SPACA6: variants seen among roughly 807,000 people sequenced by gnomAD.
SPACA6 encodes the protein sperm acrosome associated 6.
For synonymous variants in SPACA6, 6 were observed against 1.5 expected, an observed-to-expected ratio of 4.05 and a Z score of -2.21; for missense variants, 8 against 2.8, an observed-to-expected ratio of 2.88 and a Z score of -1.34.
Position 51,704,296 on chromosome 19 carries a change from A to G in SPACA6, c.757A>G (p.Thr253Ala), listed in dbSNP as rs2083496109. The change falls in exon 8 of 9, where the codon ACA (threonine) becomes GCA (alanine). Residue 253 changes from threonine to alanine, a missense_variant. Thr to Ala is a moderately conservative substitution (Grantham distance 58). Transcript: ENST00000637797. ...GACGGGCCCGCCCCCGCGGGCGGAGACAGAGTTGCAGGCCTCGTTCCGGGA... is the reference window on the plus strand; with the variant it reads ...GACGGGCCCGCCCCCGCGGGCGGAGGCAGAGTTGCAGGCCTCGTTCCGGGA... The part of the protein sequence containing the change: ...NVTGPPPRAE[T>A]ELQASFREVL... The G allele has an allele frequency of 2.5e-6, 1 of 400,594 alleles. No individual in the cohort carries two copies. The highest frequency in any genetic ancestry group is 4.4e-6 in the Non-Finnish European group (1 of 225,982). 24.8% of individuals were successfully genotyped at this position (400,594 alleles called of 1,614,324 possible). A position where few individuals can be genotyped will look rare whatever the true frequency, so the allele number is the denominator to read the frequency against.
At chr19:51,692,704 G>A (rs760036954), upstream of SPACA6, 2 of 533,580 alleles carry the variant, frequency 3.7e-6, no homozygotes, top group Admixed American at 1.9e-5. This position sits in a 1 kb window ranked among gnomAD's most constrained non-coding sequence, Gnocchi z 5.6. Context: ...TCGCGGCTGG[G>A]GCCTCCCCGG....
chr19:51,684,342 G>A (rs2083318880), upstream of SPACA6, among the ~76,000 whole-genome samples: 1 of 152,164 alleles, frequency 6.6e-6, no homozygotes, highest in African/African-American at 2.4e-5. Flanking sequence ...GCAGCTGAAG[G>A]TCCTTCACTC....
At chr19:51,693,011 C>CT (rs2083389085), upstream of SPACA6, 1 of 373,780 alleles carries the variant, frequency 2.7e-6, no homozygotes, top group African/African-American at 2.1e-5. Flanking sequence ...CCCCTGAAAT[C>CT]TGTTTTCCTT....
At chr19:51,697,643 T>A (rs531927401) in intron 2 of SPACA6, among the ~76,000 whole-genome samples, 2,619 of 152,200 alleles carry the variant, frequency 0.017, 36 homozygotes, top group Non-Finnish European at 0.029. Context: ...CAAGGATGAC[T>A]TTTGCGTCTC....
chr19:51,683,880 C>A, the SPACA6 span, among the ~76,000 whole-genome samples: 20 of 152,190 alleles, frequency 1.3e-4, no homozygotes, highest in African/African-American at 4.6e-4. Context: ...AGCCATCGGG[C>A]TTCAGAATCT....
At chr19:51,687,017 G>A (rs1298946046), upstream of SPACA6, 2 of 152,184 alleles carry the variant, frequency 1.3e-5, no homozygotes, top group African/African-American at 2.4e-5. Context: ...GCCAGGTGTG[G>A]TGGCTCAGCC....
chr19:51,684,514 C>A (rs1224231782), upstream of SPACA6, among the ~76,000 whole-genome samples: 1 of 152,146 alleles, frequency 6.6e-6, no homozygotes, highest in Non-Finnish European at 1.5e-5. Context: ...GACCCGACAA[C>A]AATGGGGACC....
rs1465547645 is a variant in SPACA6 at position 51,703,654 on chromosome 19, C to G, written c.573+317C>G. Among the ~76,000 whole-genome samples the G allele has an allele frequency of 6.6e-6, 1 of 152,076 alleles. No individual in the cohort carries two copies. Among genetic ancestry groups the G allele is most frequent in the Non-Finnish European group, 1.5e-5 (1 of 68,006 alleles). Reference sequence around the variant, plus strand: ...TCTGCCAAAAAATTTTAAAAACAGCCGGGGCGTGGTGGTGCACGCCTATAG... The same window carrying G: ...TCTGCCAAAAAATTTTAAAAACAGCGGGGGCGTGGTGGTGCACGCCTATAG... On this transcript the variant is annotated intron_variant, in intron 6 of 8. Transcript: ENST00000637797. The surrounding 1 kb of genome is among the most constrained non-coding windows in gnomAD (Gnocchi z 4.2).
At chr19:51,692,614 C>T (rs1276904480), upstream of SPACA6, 4 of 529,360 alleles carry the variant, frequency 7.6e-6, no homozygotes. This position sits in a 1 kb window ranked among gnomAD's most constrained non-coding sequence, Gnocchi z 5.6. Flanking sequence ...TGGGTCCTGG[C>T]ACCCACCCGT....
rs578167471 is a variant in SPACA6, at chr19:51,711,105, AAAG to A, written n.200-925_200-923del. On this transcript the variant is annotated intron_variant and non_coding_transcript_variant, in intron 2 of 2. Coordinates refer to the SPACA6 transcript ENST00000573896. ...AAAAAAGAAAAAAAGGAAGTCAAGTAAAGAAAGCGTTTCAAGGAAGAGTGATCA... is the reference window on the plus strand; with the variant it reads ...AAAAAAGAAAAAAAGGAAGTCAAGTAAAAGCGTTTCAAGGAAGAGTGATCA... Among the ~76,000 whole-genome samples, 78 of 152,230 alleles carry A rather than the reference AAAG, an allele frequency of 5.1e-4. 1 individual carries two copies. The highest frequency in any genetic ancestry group is 1.6e-3 in the African/African-American group (68 of 41,540).
At chr19:51,695,382 A>G (rs2083421938) in intron 2 of SPACA6, among the ~76,000 whole-genome samples, 1 of 152,176 alleles carries the variant, frequency 6.6e-6, no homozygotes, top group African/African-American at 2.4e-5. Context: ...GAGTTGCAGG[A>G]GTTACAGAGC....
At chr19:51,692,286 C>T (rs1172296581), upstream of SPACA6, among the ~76,000 whole-genome samples, 1 of 151,862 alleles carries the variant, frequency 6.6e-6, no homozygotes, top group Non-Finnish European at 1.5e-5. The surrounding 1 kb of genome is among the most constrained non-coding windows in gnomAD (Gnocchi z 5.6). Context: ...GCCATGCCTT[C>T]CCCAGGAGGC....
At chr19:51,710,448 G>A (rs559059891) in intron 2 of SPACA6, among the ~76,000 whole-genome samples, 9 of 152,330 alleles carry the variant, frequency 5.9e-5, no homozygotes, top group African/African-American at 2.2e-4. Flanking sequence ...GGAGGATGAA[G>A]TTCTGTTTAC....
Position 51,703,544 on chromosome 19 carries a change from C to G in SPACA6, c.573+207C>G, listed in dbSNP as rs1426348405. 6.6e-6 allele frequency among the ~76,000 whole-genome samples: 1 copy of G among 152,138 alleles called. No homozygotes were observed. Among genetic ancestry groups the G allele is most frequent in the Non-Finnish European group, 1.5e-5 (1 of 68,030 alleles). On this transcript the variant is annotated intron_variant, in intron 6 of 8. Coordinates refer to ENST00000637797, the MANE Select transcript of SPACA6 (RefSeq NM_001316972.2). The surrounding 1 kb of genome is among the most constrained non-coding windows in gnomAD (Gnocchi z 4.2). ...TGGGGCGATGGCTCACGCCTGTAATCCCAGCGCTTTTGGAGACCAAGGCGG... is the reference window on the plus strand; with the variant it reads ...TGGGGCGATGGCTCACGCCTGTAATGCCAGCGCTTTTGGAGACCAAGGCGG...
chr19:51,709,799 G>A (rs779406208), downstream of SPACA6, among the ~76,000 whole-genome samples: 33 of 152,114 alleles, frequency 2.2e-4, no homozygotes, highest in Admixed American at 3.9e-4. Flanking sequence ...GCAGCCCTGG[G>A]GAACAAGGTC....
chr19:51,698,392 A>G (rs984806165), intron 2 of SPACA6, among the ~76,000 whole-genome samples: 5 of 151,938 alleles, frequency 3.3e-5, no homozygotes, highest in Non-Finnish European at 5.9e-5. Context: ...CACTCCACTT[A>G]TACTCCCCTG....
At chr19:51,693,942 G>T (rs1028968909) in intron 1 of SPACA6, 42 of 383,238 alleles carry the variant, frequency 1.1e-4, no homozygotes, top group Non-Finnish European at 1.8e-4. Context: ...AGAGAGGGGA[G>T]GATGGAGAGT....
intron 3 of SPACA6, 120 bp from the exon 4 acceptor site, chr19:51,702,509 G>A: frequency 2.5e-6 from 1 of 393,582 alleles, no homozygotes; most frequent in Non-Finnish European, 4.5e-6. Context: ...AGGTTATGAC[G>A]AAAGCTTGGC....
At chr19:51,702,204 T>G (rs1416817335) in intron 3 of SPACA6, among the ~76,000 whole-genome samples, 5 of 152,130 alleles carry the variant, frequency 3.3e-5, no homozygotes. Context: ...GATGAAAGGT[T>G]TCGTCTCCAA....
Sources: gnomAD v4.1 joint callset for allele counts (sites outside exome capture counted in the v4.1 genomes callset) on GRCh38, gnomAD v4.1.1 for gene constraint, Gnocchi (gnomAD v3.1) non-coding constraint, MANE v1.5 for transcripts, NCBI Gene and HGNC (gene_info 2026-07-23, HGNC 2026-07-21) for gene names.